HS6ST3: variants seen among roughly 807,000 people sequenced by gnomAD.
HS6ST3 encodes the protein heparan sulfate 6-O-sulfotransferase 3.
In HS6ST3, 12 loss-of-function variants were observed where a neutral mutation model predicts 36.7. The observed-to-expected ratio is 0.33, with a 90% confidence interval of 0.21 to 0.53. HS6ST3 has a LOEUF of 0.53. Among genes scored for constraint, HS6ST3 ranks in the 20% least tolerant of loss-of-function variants. HS6ST3 has a pLI of 0.95. For synonymous variants in HS6ST3, 240 were observed against 257.5 expected (o/e 0.93, Z 0.65); for missense variants, 584 against 640.9 (o/e 0.91, Z 0.96).
intron 1 of HS6ST3, among the ~76,000 whole-genome samples, chr13:96,817,130 A>G (rs1161386247): frequency 6.6e-6 from 1 of 152,156 alleles, no homozygotes; most frequent in Non-Finnish European, 1.5e-5. Context: ...GCCCCCAGAA[A>G]GGGTCATTGC....
chr13:96,583,778 A>G (rs1262849080), intron 1 of HS6ST3, among the ~76,000 whole-genome samples: 1 of 152,074 alleles, frequency 6.6e-6, no homozygotes, highest in African/African-American at 2.4e-5. Context: ...CTTAACTCCA[A>G]TGAGACCTCC....
intron 1 of HS6ST3, among the ~76,000 whole-genome samples, chr13:96,768,961 C>T (rs1877189765): frequency 1.3e-5 from 2 of 152,046 alleles, no homozygotes; most frequent in African/African-American, 2.4e-5. Flanking sequence ...AGGAAAGACC[C>T]GATCATTGTT....
At chr13:96,585,848 T>C (rs1033874693) in intron 1 of HS6ST3, among the ~76,000 whole-genome samples, 1 of 152,214 alleles carries the variant, frequency 6.6e-6, no homozygotes, top group African/African-American at 2.4e-5. Context: ...TGTCCATTTG[T>C]CCACTGATGG....
chr13:96,249,518 G>A (rs968887821), intron 1 of HS6ST3, among the ~76,000 whole-genome samples: 1 of 152,116 alleles, frequency 6.6e-6, no homozygotes, highest in Non-Finnish European at 1.5e-5. Context: ...AACAGAGTTG[G>A]TAGAAAAGGC....
At chr13:96,117,180 A>G (rs1441922470) in intron 1 of HS6ST3, among the ~76,000 whole-genome samples, 2 of 152,180 alleles carry the variant, frequency 1.3e-5, no homozygotes, top group African/African-American at 4.8e-5. Flanking sequence ...TTTGAGAGTT[A>G]TTTTGAATGG....
At chr13:96,764,245 A>G (rs969143839) in intron 1 of HS6ST3, among the ~76,000 whole-genome samples, 4 of 152,224 alleles carry the variant, frequency 2.6e-5, no homozygotes, top group Non-Finnish European at 5.9e-5. Context: ...TTCAAAGAAC[A>G]ATTCTGTAAC....
intron 1 of HS6ST3, among the ~76,000 whole-genome samples, chr13:96,464,223 T>G (rs939646022): frequency 6.8e-6 from 1 of 147,442 alleles, no homozygotes; most frequent in East Asian, 2.0e-4. Flanking sequence ...CCCCTCATCA[T>G]GATGATTGCT....
chr13:96,189,108 CTT>C (rs1017355393), intron 1 of HS6ST3, among the ~76,000 whole-genome samples: 24 of 151,812 alleles, frequency 1.6e-4, no homozygotes, highest in Middle Eastern at 3.2e-3. Flanking sequence ...AATTTCATGA[CTT>C]GATTAAATCT....
intron 1 of HS6ST3, among the ~76,000 whole-genome samples, chr13:96,277,600 A>G (rs1054278156): frequency 7.9e-5 from 12 of 152,198 alleles, no homozygotes; most frequent in Admixed American, 7.9e-4. Context: ...TACATGGAAT[A>G]TATGCATTCA....
chr13:96,599,883 G>A (rs78744696), intron 1 of HS6ST3, among the ~76,000 whole-genome samples: 2,598 of 152,044 alleles, frequency 0.017, 75 homozygotes, highest in African/African-American at 0.058. Context: ...TGATTTCATT[G>A]TTGACCCAGA....
chr13:96,364,248 A>G (rs1196507782), intron 1 of HS6ST3, among the ~76,000 whole-genome samples: 1 of 152,154 alleles, frequency 6.6e-6, no homozygotes, highest in Non-Finnish European at 1.5e-5. Flanking sequence ...TAAACATAGA[A>G]CTAGCATGTG....
chr13:96,591,968 T>A (rs2056383901), intron 1 of HS6ST3, among the ~76,000 whole-genome samples: 1 of 152,156 alleles, frequency 6.6e-6, no homozygotes, highest in African/African-American at 2.4e-5. Context: ...AATGGTTTTG[T>A]ACTTCATTTT....
chr13:96,635,147 C>A (rs1035394372), intron 1 of HS6ST3, among the ~76,000 whole-genome samples: 5 of 152,116 alleles, frequency 3.3e-5, no homozygotes, highest in Non-Finnish European at 5.9e-5. Flanking sequence ...TTCAGTCTTG[C>A]ACAAATAAAT....
intron 1 of HS6ST3, among the ~76,000 whole-genome samples, chr13:96,141,603 A>G (rs2054032285): frequency 6.6e-6 from 1 of 152,034 alleles, no homozygotes; most frequent in South Asian, 2.1e-4. Flanking sequence ...TGGGATTAAG[A>G]TGTGAGCTAC....
chr13:96,642,552 A>G (rs1344824394), intron 1 of HS6ST3, among the ~76,000 whole-genome samples: 2 of 151,818 alleles, frequency 1.3e-5, no homozygotes, highest in Non-Finnish European at 2.9e-5. Context: ...TGGTGTCCAC[A>G]GGTCTCTGAG....
chr13:96,203,522 C>CTGTT (rs892186684), intron 1 of HS6ST3, among the ~76,000 whole-genome samples: 1 of 152,184 alleles, frequency 6.6e-6, no homozygotes, highest in Non-Finnish European at 1.5e-5. Context: ...AAACACCATA[C>CTGTT]TGTTAGACTA....
chr13:96,474,004 G>A (rs553346069), intron 1 of HS6ST3, among the ~76,000 whole-genome samples: 4 of 152,246 alleles, frequency 2.6e-5, no homozygotes, highest in East Asian at 3.9e-4. Context: ...CTGTGTTGTC[G>A]CTTGGCTTTC....
At chr13:96,211,376 G>A (rs1008609318) in intron 1 of HS6ST3, among the ~76,000 whole-genome samples, 4 of 152,198 alleles carry the variant, frequency 2.6e-5, no homozygotes, top group East Asian at 3.9e-4. Flanking sequence ...CATGGCCCAC[G>A]GCACCTCTGG....
At chr13:96,542,637 A>G (rs1279700495) in intron 1 of HS6ST3, among the ~76,000 whole-genome samples, 1 of 152,102 alleles carries the variant, frequency 6.6e-6, no homozygotes, top group Admixed American at 6.5e-5. Flanking sequence ...CTTCTTGTTC[A>G]TGAACTTCAG....
Sources: gnomAD v4.1 joint callset for allele counts (sites outside exome capture counted in the v4.1 genomes callset) on GRCh38, gnomAD v4.1.1 for gene constraint, MANE v1.5 for transcripts, NCBI Gene and HGNC (gene_info 2026-07-23, HGNC 2026-07-21) for gene names.